Variants in NAV2 observed in about 807,000 individuals in gnomAD.
NAV2 encodes the protein neuron navigator 2, also known as helicase, APC down-regulated 1.
A neutral mutation model predicts 223.2 loss-of-function variants in NAV2; 54 were observed. That is an observed-to-expected ratio of 0.24 (90% CI 0.19 to 0.30). The LOEUF is 0.30. Ranked by LOEUF, NAV2 falls within the 10% of genes least tolerant of loss-of-function variation. The pLI is 1.00. For missense variants in NAV2, 2,806 were observed against 3,147.5 expected (o/e 0.89, Z 2.60); for synonymous variants, 1,279 against 1,239.3 (o/e 1.03, Z -0.67).
intron 5 of NAV2, among the ~76,000 whole-genome samples, chr11:19,886,621 A>T (rs1216682585): frequency 1.3e-5 from 2 of 152,204 alleles, no homozygotes; most frequent in Non-Finnish European, 2.9e-5. Context: ...CCTGAAATTT[A>T]GTGCCTGTTC....
At chr11:19,406,162 C>T (rs770307290) in intron 1 of NAV2, among the ~76,000 whole-genome samples, 19 of 152,180 alleles carry the variant, frequency 1.2e-4, no homozygotes, top group Non-Finnish European at 2.6e-4. Flanking sequence ...CCCCAGGTTA[C>T]AGCTGGCGGG....
chr11:19,623,947 G>T (rs1292884476), intron 1 of NAV2, among the ~76,000 whole-genome samples: 1 of 152,154 alleles, frequency 6.6e-6, no homozygotes. Flanking sequence ...TGGGGTTTTG[G>T]TGTGGATGTC....
intron 1 of NAV2, among the ~76,000 whole-genome samples, chr11:19,687,914 C>T (rs1028757547): frequency 6.6e-6 from 1 of 152,154 alleles, no homozygotes; most frequent in Non-Finnish European, 1.5e-5. Flanking sequence ...GAAGGTCATG[C>T]TTAGGGAAGT....
intron 1 of NAV2, among the ~76,000 whole-genome samples, chr11:19,561,904 G>A (rs575498504): frequency 6.6e-6 from 1 of 152,276 alleles, no homozygotes; most frequent in South Asian, 2.1e-4. Context: ...ACCATCCCTG[G>A]GGATGATGAA....
At chr11:19,489,497 C>A (rs999567680) in intron 1 of NAV2, among the ~76,000 whole-genome samples, 3 of 152,222 alleles carry the variant, frequency 2.0e-5, no homozygotes, top group Admixed American at 6.5e-5. Context: ...ACTTTTATCA[C>A]TTCCTACATC....
chr11:19,974,390 G>A (rs1163058222), intron 10 of NAV2, among the ~76,000 whole-genome samples: 1 of 152,172 alleles, frequency 6.6e-6, no homozygotes, highest in Non-Finnish European at 1.5e-5. Flanking sequence ...ATCAAAATCA[G>A]TAGAGCTGTA....
At chr11:19,866,558 T>A (rs1442915170) in intron 3 of NAV2, among the ~76,000 whole-genome samples, 1 of 152,226 alleles carries the variant, frequency 6.6e-6, no homozygotes, top group Non-Finnish European at 1.5e-5. Flanking sequence ...AAGGCTAGCC[T>A]TGCAAACAGA....
At chr11:19,906,644 C>T (rs552434791) in intron 6 of NAV2, among the ~76,000 whole-genome samples, 163 of 152,224 alleles carry the variant, frequency 1.1e-3, no homozygotes, top group Non-Finnish European at 1.9e-3. Context: ...TAAGAACTCA[C>T]GGGGGAGAGC....
intron 1 of NAV2, among the ~76,000 whole-genome samples, chr11:19,617,459 G>A (rs578228018): frequency 9.8e-5 from 15 of 152,304 alleles, no homozygotes; most frequent in Middle Eastern, 3.4e-3. Context: ...GCTGCTTGCT[G>A]CTCTGCTTTG....
chr11:19,933,489 G>A lies in NAV2; in HGVS notation c.1245G>A (p.Lys415=). ...TTTTCAACAGTAAAGGGGGCTCAAA[G>A]GCAGGTGAGGGGCCGGGGTCCCGGG... ...LKLFNSKGGS[K]AGEGPGSRDT... Residue 415 remains lysine, a synonymous_variant, in exon 7 of 38, where the codon AAG becomes AAA. Transcript: ENST00000349880. The surrounding 1 kb of genome is among the most constrained non-coding windows in gnomAD (Gnocchi z 4.3). The A allele has an allele frequency of 6.2e-7, 1 of 1,610,984 alleles. No homozygotes were observed. Among genetic ancestry groups the A allele is most frequent in the Non-Finnish European group, 8.5e-7 (1 of 1,178,778 alleles).
chr11:19,938,728 G>A (rs2046138262), intron 7 of NAV2, among the ~76,000 whole-genome samples: 1 of 152,112 alleles, frequency 6.6e-6, no homozygotes, highest in South Asian at 2.1e-4. Context: ...AGGAGCACAG[G>A]GAGTATGAAA....
intron 1 of NAV2, among the ~76,000 whole-genome samples, chr11:19,585,573 G>A (rs1436411821): frequency 1.3e-5 from 2 of 152,120 alleles, no homozygotes; most frequent in African/African-American, 4.8e-5. Flanking sequence ...GGGCAGGCCT[G>A]GTGGTGACAA....
chr11:20,083,764 CT>C (rs772386331), intron 26 of NAV2, among the ~76,000 whole-genome samples: 9 of 152,148 alleles, frequency 5.9e-5, no homozygotes, highest in Non-Finnish European at 1.2e-4. Flanking sequence ...AGTTTCCTCA[CT>C]AGTAAAAATA....
At chr11:19,801,708 C>G (rs534421238) in intron 1 of NAV2, among the ~76,000 whole-genome samples, 1 of 152,202 alleles carries the variant, frequency 6.6e-6, no homozygotes, top group Non-Finnish European at 1.5e-5. Context: ...AGGGCAGTCT[C>G]TGGCTGAATC....
chr11:19,862,661 G>A (rs1024355666), intron 3 of NAV2, among the ~76,000 whole-genome samples: 1 of 152,098 alleles, frequency 6.6e-6, no homozygotes, highest in Admixed American at 6.5e-5. Context: ...GTAGTGTCAG[G>A]ACCCCGCAAG....
In NAV2 at chr11:19,681,854, G is replaced by A. The variant is rs138049501; in HGVS notation, c.76-150630G>A. 2.2e-4 allele frequency among the ~76,000 whole-genome samples: 33 copies of A among 152,340 alleles called. No homozygotes were observed. In the East Asian group the frequency reaches 3.9e-3, roughly 18 times the overall value. On this transcript the variant is annotated intron_variant, in intron 1 of 37. Coordinates refer to the NAV2 transcript ENST00000360655. The stretch of plus-strand genomic sequence containing the variant: ...TGAATGGAATTCCTGTGGGATGTAC[G>A]TGTCAGGTGTCTGGCAGCCTCAGGA...
In NAV2 at chr11:20,065,620, G is replaced by A. The variant is rs534567446; in HGVS notation, c.4885-2566G>A. On this transcript the variant is annotated intron_variant, in intron 20 of 37. Transcript: ENST00000349880. ...CCAGATGTGCAGAACAGCGGCAAGGGGGGCAAGATACAAAGCACATGCTTT... is the reference window on the plus strand; with the variant it reads ...CCAGATGTGCAGAACAGCGGCAAGGAGGGCAAGATACAAAGCACATGCTTT... Among the ~76,000 whole-genome samples, 7 of 152,314 alleles carry A rather than the reference G, an allele frequency of 4.6e-5. 1 individual carries two copies. The East Asian group carries it at 1.4e-3, about 29-fold the overall frequency.
chr11:19,911,857 AT>A (rs2043344246), intron 6 of NAV2, among the ~76,000 whole-genome samples: 1 of 152,166 alleles, frequency 6.6e-6, no homozygotes, highest in African/African-American at 2.4e-5. Context: ...TGATCGGTTT[AT>A]TTGTGGACAT....
At chr11:19,349,895 C>T (rs546955890), upstream of NAV2, among the ~76,000 whole-genome samples, 14 of 152,198 alleles carry the variant, frequency 9.2e-5, no homozygotes, top group East Asian at 7.7e-4. Flanking sequence ...GCAGGGAATG[C>T]GGCTCCATAG....
Sources: gnomAD v4.1 joint callset for allele counts (sites outside exome capture counted in the v4.1 genomes callset) on GRCh38, gnomAD v4.1.1 for gene constraint, Gnocchi (gnomAD v3.1) non-coding constraint, MANE v1.5 for transcripts, NCBI Gene and HGNC (gene_info 2026-07-23, HGNC 2026-07-21) for gene names.